The following CORO2B variants were observed in gnomAD, a reference collection of about 807,000 sequenced individuals.
CORO2B encodes the protein coronin 2B.
Under a neutral mutation model 58.8 loss-of-function variants are expected in CORO2B, and 26 were observed. The observed-to-expected ratio is 0.44, with a 90% CI of 0.32 to 0.61. CORO2B has a LOEUF of 0.61. CORO2B is among the 20% of genes least tolerant of loss of function. The pLI, the probability that CORO2B is intolerant of heterozygous loss-of-function variation, is 0.04. For missense variants in CORO2B, 460 were observed against 645.1 expected (o/e 0.71, Z 3.11); for synonymous variants, 242 against 253.8 (o/e 0.95, Z 0.44).
chr15:68,531,527 G>GGAAA, the CORO2B span, among the ~76,000 whole-genome samples: 5 of 121,414 alleles, frequency 4.1e-5, no homozygotes, highest in African/African-American at 1.6e-4. Context: ...AAGGAAGGAA[G>GGAAA]GAAGGAAGGA....
intron 11 of CORO2B, among the ~76,000 whole-genome samples, chr15:68,724,919 A>C (rs902274071): frequency 1.3e-5 from 2 of 152,106 alleles, no homozygotes. Flanking sequence ...CATTGGGGTG[A>C]AGATCTGCCA....
At chr15:68,718,671 A>G (rs781123740) in intron 8 of CORO2B, 27 bp from the exon 9 acceptor site, 5 of 1,587,110 alleles carry the variant, frequency 3.2e-6, no homozygotes, top group East Asian at 4.5e-5. Flanking sequence ...CTGGGACCCC[A>G]TGGAGCCACA....
the CORO2B span, among the ~76,000 whole-genome samples, chr15:68,553,559 G>A: frequency 6.6e-6 from 1 of 152,204 alleles, no homozygotes; most frequent in Admixed American, 6.5e-5. Flanking sequence ...ACTCATCTTA[G>A]TCCTATGGCC....
Position 68,688,226 on chromosome 15 carries a change from T to G in CORO2B, c.217-6914T>G, listed in dbSNP as rs141167701. Among the ~76,000 whole-genome samples the G allele has an allele frequency of 4.8e-4, 73 of 152,374 alleles. 1 individual carries two copies. The highest frequency in any genetic ancestry group is 1.6e-3 in the African/African-American group (66 of 41,592). ...ATATCTGTTTTTTTAATAACAATTT[T>G]ATATGTTTGTTAGAATTGGAAGCTG... On this transcript the variant is annotated intron_variant, in intron 2 of 11. Transcript: ENST00000261861.
At chr15:68,564,338 C>G in the CORO2B span, among the ~76,000 whole-genome samples, 2 of 151,002 alleles carry the variant, frequency 1.3e-5, no homozygotes, top group Non-Finnish European at 2.9e-5. Flanking sequence ...GGGTCTCACT[C>G]TATTGCCCAG....
chr15:68,553,654 G>A, the CORO2B span, among the ~76,000 whole-genome samples: 1 of 152,258 alleles, frequency 6.6e-6, no homozygotes, highest in African/African-American at 2.4e-5. Flanking sequence ...CTTCTTGGAG[G>A]AGGTGATGTC....
upstream of CORO2B, among the ~76,000 whole-genome samples, chr15:68,574,685 G>A (rs1486924752): frequency 6.6e-6 from 1 of 152,186 alleles, no homozygotes; most frequent in Non-Finnish European, 1.5e-5. Context: ...CCAAGTGTCA[G>A]CCTTGTGATT....
the CORO2B span, among the ~76,000 whole-genome samples, chr15:68,535,641 G>A: frequency 6.6e-6 from 1 of 152,192 alleles, no homozygotes; most frequent in Non-Finnish European, 1.5e-5. Flanking sequence ...GAGAGCACCT[G>A]CCACTGGCAT....
rs1021904041 is a variant in CORO2B, at chr15:68,590,837, G to A, written c.15+11560G>A. 2.0e-5 allele frequency among the ~76,000 whole-genome samples: 3 copies of A among 152,140 alleles called. No homozygotes were observed. In the East Asian group the frequency reaches 5.8e-4, roughly 29 times the overall value. ...TAAGTGAGCCAGTTTTGCCAGGGAA[G>A]TGAGTGTGGAGAGGAGAGGACAGCC... is the stretch of plus-strand genomic sequence containing the variant. On this transcript the variant is annotated intron_variant, in intron 1 of 11. Coordinates refer to ENST00000261861, the MANE Select transcript of CORO2B (RefSeq NM_006091.5).
intron 3 of CORO2B, among the ~76,000 whole-genome samples, chr15:68,704,848 C>T (rs1007461812): frequency 1.3e-5 from 2 of 152,124 alleles, no homozygotes; most frequent in African/African-American, 4.8e-5. Flanking sequence ...TGCCACTTCT[C>T]CCCACCCTTT....
chr15:68,523,761 T>G, the CORO2B span, among the ~76,000 whole-genome samples: 1 of 152,162 alleles, frequency 6.6e-6, no homozygotes, highest in African/African-American at 2.4e-5. Context: ...TCTCTGCTTC[T>G]TTGTGGGTAA....
intron 2 of CORO2B, among the ~76,000 whole-genome samples, chr15:68,659,683 C>T (rs1374594462): frequency 6.6e-6 from 1 of 152,194 alleles, no homozygotes; most frequent in East Asian, 1.9e-4. Context: ...CCTGTAATCC[C>T]AGCACTTTGG....
At chr15:68,619,755 G>A (rs1026512839) in intron 1 of CORO2B, among the ~76,000 whole-genome samples, 5 of 132,038 alleles carry the variant, frequency 3.8e-5, no homozygotes, top group African/African-American at 6.2e-5. Flanking sequence ...GCGTGCATGC[G>A]TGTGTGTGTG....
At chr15:68,631,970 C>G (rs1900846005) in intron 1 of CORO2B, 1 of 985,354 alleles carries the variant, frequency 1.0e-6, no homozygotes, top group Admixed American at 6.1e-5. Context: ...GGAGTGGGCT[C>G]TCTCTTGGTT....
At chr15:68,571,744 T>C in the CORO2B span, among the ~76,000 whole-genome samples, 95,653 of 152,152 alleles carry the variant, frequency 0.63, 31,748 homozygotes, top group East Asian at 0.87. Flanking sequence ...GAGATAAGCC[T>C]TGTTCTTGGG....
At chr15:68,693,974 T>G (rs1216195162) in intron 2 of CORO2B, among the ~76,000 whole-genome samples, 1 of 152,206 alleles carries the variant, frequency 6.6e-6, no homozygotes, top group Non-Finnish European at 1.5e-5. Flanking sequence ...TAGCTGGGAT[T>G]ACAGGCGTGT....
intron 2 of CORO2B, among the ~76,000 whole-genome samples, chr15:68,663,859 C>T (rs1391490949): frequency 6.6e-6 from 1 of 152,182 alleles, no homozygotes; most frequent in Non-Finnish European, 1.5e-5. Flanking sequence ...AAGTTGAAAT[C>T]TCTTTATGTG....
the CORO2B span, among the ~76,000 whole-genome samples, chr15:68,521,429 T>C: frequency 6.6e-6 from 1 of 152,238 alleles, no homozygotes; most frequent in African/African-American, 2.4e-5. Flanking sequence ...ATTTTAGTTC[T>C]ATATATATTT....
chr15:68,627,247 C>T (rs931271603), intron 1 of CORO2B, among the ~76,000 whole-genome samples: 1 of 152,074 alleles, frequency 6.6e-6, no homozygotes, highest in Non-Finnish European at 1.5e-5. Context: ...GTGCTGGTCT[C>T]GTATGAGGGA....
Sources: gnomAD v4.1 joint callset for allele counts (sites outside exome capture counted in the v4.1 genomes callset) on GRCh38, gnomAD v4.1.1 for gene constraint, MANE v1.5 for transcripts, NCBI Gene and HGNC (gene_info 2026-07-23, HGNC 2026-07-21) for gene names.